The following ABCC1 variants were observed in gnomAD, a reference collection of about 807,000 sequenced individuals.
ABCC1 encodes the protein multidrug resistance-associated protein 1.
A neutral mutation model predicts 172.9 loss-of-function variants in ABCC1; 83 were observed. That is an observed-to-expected ratio of 0.48 (90% CI 0.40 to 0.58). The LOEUF is 0.58. Ranked by LOEUF, ABCC1 falls within the 20% of genes least tolerant of loss-of-function variation. The pLI is 0.00. For synonymous variants in ABCC1, 937 were observed against 825.2 expected (o/e 1.14, Z -2.32); for missense variants, 1,817 against 2,002.7 (o/e 0.91, Z 1.77).
At chr16:16,098,886 G>A (rs761632421) in intron 19 of ABCC1, 7 of 1,352,032 alleles carry the variant, frequency 5.2e-6, no homozygotes, top group Non-Finnish European at 5.9e-6. Context: ...GCACAGTGAT[G>A]GACGAGGAGG....
chr16:16,027,486 A>G (rs1390391390), intron 5 of ABCC1, among the ~76,000 whole-genome samples: 2 of 152,044 alleles, frequency 1.3e-5, no homozygotes, highest in African/African-American at 4.8e-5. Flanking sequence ...CCCCCCAAAC[A>G]CTTGAGCTTT....
intron 5 of ABCC1, 80 bp downstream of exon 5, chr16:16,016,701 G>A: frequency 1.3e-6 from 2 of 1,575,350 alleles, no homozygotes; most frequent in African/African-American, 2.7e-5. Context: ...ACATTTCTTA[G>A]ATCCATCCAG....
At chr16:15,984,546 G>T (rs1029350832) in intron 1 of ABCC1, among the ~76,000 whole-genome samples, 2 of 150,580 alleles carry the variant, frequency 1.3e-5, no homozygotes, top group Non-Finnish European at 2.9e-5. Context: ...AGTTTCAAGC[G>T]ATTCTCCTGC....
intron 1 of ABCC1, among the ~76,000 whole-genome samples, chr16:15,976,903 C>G (rs980730807): frequency 1.3e-5 from 2 of 152,202 alleles, no homozygotes; most frequent in Admixed American, 1.3e-4. Flanking sequence ...AGTAGTAGGA[C>G]AGGGACTCGA....
chr16:16,060,329 T>C (rs764913370), intron 12 of ABCC1, among the ~76,000 whole-genome samples: 4 of 152,300 alleles, frequency 2.6e-5, no homozygotes, highest in Non-Finnish European at 5.9e-5. Context: ...CACTGAGTTA[T>C]GTTCAAGCAG....
chr16:16,103,794 A>G (rs1466264153), intron 20 of ABCC1, among the ~76,000 whole-genome samples: 3 of 152,134 alleles, frequency 2.0e-5, no homozygotes, highest in Non-Finnish European at 4.4e-5. Context: ...CGCTTTTGCC[A>G]TGGTTATCAT....
rs927721839 is a variant in ABCC1, at chr16:15,956,413, A to G, written c.48+6614A>G. Among the ~76,000 whole-genome samples the G allele has an allele frequency of 4.0e-5, 6 of 151,890 alleles. No individual in the cohort carries two copies. The East Asian group carries it at 7.7e-4, about 20-fold the overall frequency. On this transcript the variant is annotated intron_variant, in intron 1 of 30. Coordinates refer to ENST00000399410, the MANE Select transcript of ABCC1 (RefSeq NM_004996.4). ...AAAGAAAATTCAGGTCTAACTTTCA[A>G]CTCCCTAAAAGTTTAACTACTAACA...
intron 1 of ABCC1, among the ~76,000 whole-genome samples, chr16:15,986,930 T>A (rs2046757724): frequency 6.6e-6 from 1 of 152,140 alleles, no homozygotes; most frequent in African/African-American, 2.4e-5. Flanking sequence ...ATCCTAAGGC[T>A]GAGGCAGGTG....
At chr16:16,119,764 C>T (rs184921230) in intron 23 of ABCC1, among the ~76,000 whole-genome samples, 2 of 152,198 alleles carry the variant, frequency 1.3e-5, no homozygotes, top group East Asian at 3.9e-4. Context: ...GGTTCAGAGG[C>T]AGTGGCAAGT....
intron 23 of ABCC1, among the ~76,000 whole-genome samples, chr16:16,117,288 C>A (rs548300759): frequency 6.6e-6 from 1 of 152,288 alleles, no homozygotes; most frequent in Admixed American, 6.5e-5. Context: ...GAGAGCACCA[C>A]GAAGTCGGGG....
At chr16:16,129,107 C>T (rs2045567694) in intron 26 of ABCC1, among the ~76,000 whole-genome samples, 1 of 152,202 alleles carries the variant, frequency 6.6e-6, no homozygotes, top group Non-Finnish European at 1.5e-5. Context: ...GAATTTCCCC[C>T]AAAACTTTCC....
At chr16:16,082,092 G>T (rs576650090) in intron 16 of ABCC1, among the ~76,000 whole-genome samples, 1 of 152,270 alleles carries the variant, frequency 6.6e-6, no homozygotes, top group Admixed American at 6.5e-5. Context: ...CCCCCTTGCT[G>T]TCCCTGGTGT....
intron 18 of ABCC1, among the ~76,000 whole-genome samples, chr16:16,089,488 T>C (rs1282067294): frequency 6.6e-6 from 1 of 150,810 alleles, no homozygotes; most frequent in East Asian, 1.9e-4. Context: ...GCATAGGTTG[T>C]GGTGAGCCGA....
chr16:16,004,018 GAATT>G (rs1412359197), intron 1 of ABCC1, among the ~76,000 whole-genome samples: 495 of 42,394 alleles, frequency 0.012, 1 homozygote, highest in African/African-American at 0.023. Flanking sequence ...GTGGATGGAT[GAATT>G]GGTGGATGGA....
At position 16,007,830 on chromosome 16, in the gene ABCC1, G is replaced by A. The variant is rs765984154; in HGVS notation, c.63G>A (p.Thr21=). Residue 21 remains threonine (T), a synonymous_variant, in exon 2 of 31, where the codon ACG becomes ACA. Transcript: ENST00000399410. ...TGTGTTCGCAGGACTGGAATGTCAC[G>A]TGGAATACCAGCAACCCCGACTTCA... The part of the protein sequence containing the change: ...GSDPLWDWNV[T]WNTSNPDFTK... 14 of 1,612,734 alleles carry A rather than the reference G, an allele frequency of 8.7e-6. No individual in the cohort carries two copies. The African/African-American group carries it at 1.2e-4, about 14-fold the overall frequency.
intron 30 of ABCC1, among the ~76,000 whole-genome samples, chr16:16,140,774 G>C (rs112720075): frequency 2.0e-5 from 3 of 152,194 alleles, no homozygotes; most frequent in Admixed American, 1.3e-4. Context: ...GCAGAGATGC[G>C]TAGTTGTAAC....
intron 20 of ABCC1, among the ~76,000 whole-genome samples, chr16:16,103,708 G>T (rs1160263000): frequency 6.6e-6 from 1 of 152,212 alleles, no homozygotes; most frequent in South Asian, 2.1e-4. Context: ...ACCTGCAGTT[G>T]CTACAGGGGT....
intron 5 of ABCC1, among the ~76,000 whole-genome samples, chr16:16,023,835 G>A (rs1023277255): frequency 6.6e-6 from 1 of 152,156 alleles, no homozygotes; most frequent in Non-Finnish European, 1.5e-5. Flanking sequence ...GTTTGGAGGT[G>A]GTGGGGTGGG....
chr16:16,032,831 G>A (rs45591542), intron 5 of ABCC1, among the ~76,000 whole-genome samples: 282 of 152,280 alleles, frequency 1.9e-3, no homozygotes, highest in Non-Finnish European at 3.5e-3. Flanking sequence ...AACTCCTAGG[G>A]TTGTTGTGGG....
Sources: gnomAD v4.1 joint callset for allele counts (sites outside exome capture counted in the v4.1 genomes callset) on GRCh38, gnomAD v4.1.1 for gene constraint, MANE v1.5 for transcripts, NCBI Gene and HGNC (gene_info 2026-07-23, HGNC 2026-07-21) for gene names.